Variants in UBR1 observed in about 807,000 individuals in gnomAD.
UBR1 encodes the protein ubiquitin protein ligase E3 component n-recognin 1, also known as E3 ubiquitin-protein ligase UBR1.
In UBR1, 102 loss-of-function variants were observed where a neutral mutation model predicts 242.1. The observed-to-expected ratio is 0.42, with a 90% CI of 0.36 to 0.50. The LOEUF (loss-of-function observed/expected upper bound fraction) is 0.50. Ranked by LOEUF, UBR1 falls within the 20% of genes least tolerant of loss-of-function variation. The pLI is 0.01. For synonymous variants in UBR1, 675 were observed against 684.8 expected (o/e 0.99, Z 0.22); for missense variants, 1,772 against 2,101.8 (o/e 0.84, Z 3.07).
chr15:43,099,299 T>C (rs1321680104), intron 1 of UBR1, among the ~76,000 whole-genome samples: 1 of 150,208 alleles, frequency 6.7e-6, no homozygotes, highest in East Asian at 2.0e-4. Context: ...ATTGCACCAC[T>C]GCACTCCAGC....
chr15:42,969,367 G>A (rs2032165043), intron 40 of UBR1, among the ~76,000 whole-genome samples: 1 of 151,950 alleles, frequency 6.6e-6, no homozygotes, highest in African/African-American at 2.4e-5. Flanking sequence ...AGAGTTGTTT[G>A]CTTTTTTCTT....
At chr15:43,022,056 T>C (rs759928287) in intron 26 of UBR1, among the ~76,000 whole-genome samples, 10 of 152,080 alleles carry the variant, frequency 6.6e-5, no homozygotes, top group Non-Finnish European at 1.5e-4. Context: ...GAAACAAAAT[T>C]GCCAAAAATA....
intron 40 of UBR1, among the ~76,000 whole-genome samples, chr15:42,969,972 T>C (rs1202029954): frequency 1.3e-5 from 2 of 152,162 alleles, no homozygotes; most frequent in Non-Finnish European, 2.9e-5. Context: ...CTGACTTTCT[T>C]CACAGAATTA....
chr15:42,969,505 A>G (rs930917992), intron 40 of UBR1, among the ~76,000 whole-genome samples: 2 of 152,106 alleles, frequency 1.3e-5, no homozygotes, highest in Non-Finnish European at 2.9e-5. Context: ...TGCTGTGCAG[A>G]GGCTCTTTTG....
At chr15:43,052,771 TAAAG>T (rs2033572238) in intron 12 of UBR1, among the ~76,000 whole-genome samples, 3 of 152,230 alleles carry the variant, frequency 2.0e-5, no homozygotes, top group Admixed American at 2.0e-4. Flanking sequence ...ATTTGCTAAA[TAAAG>T]AGTTTTTGTG....
rs148279938 is a variant in UBR1 at position 43,070,566 on chromosome 15, G to A, written c.659+229C>T. 9.3e-3 allele frequency among the ~76,000 whole-genome samples: 1,417 copies of A among 152,004 alleles called. 18 individuals carry two copies. Among genetic ancestry groups the A allele is most frequent in the African/African-American group, 0.032 (1,344 of 41,442 alleles). On this transcript the variant is annotated intron_variant, in intron 5 of 46. Coordinates refer to ENST00000290650, the MANE Select transcript of UBR1 (RefSeq NM_174916.3). ...CCCCAAAAATGTTGATTTTTTTTCC[G>A]TAAAAATTCAAAGCTCCTGATACAC... is the stretch of plus-strand genomic sequence containing the variant.
intron 1 of UBR1, among the ~76,000 whole-genome samples, chr15:43,096,849 T>G (rs1196766534): frequency 6.6e-6 from 1 of 152,144 alleles, no homozygotes; most frequent in Non-Finnish European, 1.5e-5. Flanking sequence ...CTTCCTCTAC[T>G]AAAGTCTTGA....
At chr15:43,003,951 G>C in intron 30 of UBR1, 21 bp from the exon 31 acceptor site, 1 of 1,606,254 alleles carries the variant, frequency 6.2e-7, no homozygotes, top group Non-Finnish European at 8.5e-7. Flanking sequence ...GTATAAAAAG[G>C]AGGGAAAAAG....
At chr15:43,023,275 AATG>A (rs2033134042) in intron 25 of UBR1, among the ~76,000 whole-genome samples, 1 of 152,152 alleles carries the variant, frequency 6.6e-6, no homozygotes, top group South Asian at 2.1e-4. Flanking sequence ...CAGAAAGAGA[AATG>A]ATGAATACAC....
intron 6 of UBR1, among the ~76,000 whole-genome samples, chr15:43,064,866 G>A (rs1010369121): frequency 6.6e-6 from 1 of 151,938 alleles, no homozygotes; most frequent in Non-Finnish European, 1.5e-5. Context: ...CACCACACCC[G>A]GCCCTATCTT....
intron 29 of UBR1, among the ~76,000 whole-genome samples, chr15:43,015,103 G>C (rs1483223886): frequency 2.0e-5 from 3 of 152,048 alleles, no homozygotes; most frequent in African/African-American, 7.2e-5. Flanking sequence ...TGGGAAGTGA[G>C]GAGCCCCTCT....
At chr15:42,990,619 A>T (rs2032540863) in intron 33 of UBR1, among the ~76,000 whole-genome samples, 1 of 152,238 alleles carries the variant, frequency 6.6e-6, no homozygotes, top group African/African-American at 2.4e-5. Flanking sequence ...TAAATATTAC[A>T]TATATAGAAT....
chr15:43,022,682 A>T lies in UBR1; in HGVS notation c.2839+20T>A. 6.6e-7 allele frequency: 1 copy of T among 1,524,726 alleles called. No homozygotes were observed. Among genetic ancestry groups the T allele is most frequent in the Non-Finnish European group, 9.1e-7 (1 of 1,100,808 alleles). The allele number at this position is 1,524,726 out of a possible 1,614,324, so 94.4% of individuals were successfully genotyped here. A position where few individuals can be genotyped will look rare whatever the true frequency, so the allele number is the denominator to read the frequency against. ...AGACTTTCAATGACAAATGTGTTGA[A>T]GAGTGATACTCAAACATACTTGAAG... On this transcript the variant is annotated intron_variant, in intron 26 of 46. Coordinates refer to ENST00000290650, the MANE Select transcript of UBR1 (RefSeq NM_174916.3).
rs975253151 is a variant in UBR1 at position 42,944,107 on chromosome 15, A to G, written c.*1222T>C. The G allele has an allele frequency of 1.3e-5, 2 of 152,290 alleles. No individual in the cohort carries two copies. The highest frequency in any genetic ancestry group is 4.8e-5 in the African/African-American group (2 of 41,474). 9.4% of individuals were successfully genotyped at this position (152,290 alleles called of 1,614,324 possible). A position where few individuals can be genotyped will look rare whatever the true frequency, so the allele number is the denominator to read the frequency against. ...GATACAGTCTTTGAATGCATCTTTC[A>G]AGGTTCTAACATTACCCCAGAAACA... On this transcript the variant is annotated 3_prime_UTR_variant, in exon 47 of 47. Coordinates refer to ENST00000290650, the MANE Select transcript of UBR1 (RefSeq NM_174916.3).
Position 43,029,125 on chromosome 15 carries a change from G to GCACACACACACACACACACACACACA in UBR1, c.2379+818_2379+819insTGTGTGTGTGTGTGTGTGTGTGTGTG, listed in dbSNP as rs144923922. ...TAAATAAAAACAAATACACACACAC[G>GCACACACACACACACACACACACACA]CACACACACACACATCTCTATTCTA... On this transcript the variant is annotated intron_variant, in intron 21 of 46. Transcript: ENST00000290650. Among the ~76,000 whole-genome samples the GCACACACACACACACACACACACACA allele has an allele frequency of 2.2e-3, 329 of 151,052 alleles. 1 individual carries two copies. Among genetic ancestry groups the GCACACACACACACACACACACACACA allele is most frequent in the African/African-American group, 7.6e-3 (314 of 41,096 alleles).
chr15:43,102,800 T>A (rs888147414), intron 1 of UBR1, among the ~76,000 whole-genome samples: 25 of 152,308 alleles, frequency 1.6e-4, no homozygotes, highest in Admixed American at 3.9e-4. Context: ...TCCTGTTCTC[T>A]CTTTCTCATC....
In UBR1 at chr15:43,088,956, G is replaced by A. The variant is rs764318562; in HGVS notation, c.82-2716C>T. On this transcript the variant is annotated intron_variant, in intron 1 of 46. Transcript: ENST00000290650. ...GCGGGCGGATCACTTGAGGTTAGGA[G>A]TTCGAGACCAGCCTGCCTAACATGC... Among the ~76,000 whole-genome samples the A allele has an allele frequency of 3.4e-5, 5 of 148,094 alleles. No individual in the cohort carries two copies. The Admixed American group carries it at 3.4e-4, about 10-fold the overall frequency.
chr15:43,024,964 A>AGGT lies in UBR1; in HGVS notation c.2601_2603dup (p.Pro869dup). 6.2e-7 allele frequency: 1 copy of AGGT among 1,614,166 alleles called. No homozygotes were observed. Among genetic ancestry groups the AGGT allele is most frequent in the Non-Finnish European group, 8.5e-7 (1 of 1,180,020 alleles). ...TGCTGAAAGCAGGGCAGAATTCAGG[A>AGGT]GGTGGTGGTGGCGGCAATGCTATAG... is the stretch of plus-strand genomic sequence containing the variant. On this transcript the variant is annotated inframe_insertion, in exon 25 of 47. Transcript: ENST00000290650.
intron 35 of UBR1, among the ~76,000 whole-genome samples, chr15:42,986,991 C>T (rs1567116449): frequency 1.3e-5 from 2 of 152,228 alleles, no homozygotes. Flanking sequence ...CACTGACCCC[C>T]TGGGTATCCT....
Sources: gnomAD v4.1 joint callset for allele counts (sites outside exome capture counted in the v4.1 genomes callset) on GRCh38, gnomAD v4.1.1 for gene constraint, MANE v1.5 for transcripts, NCBI Gene and HGNC (gene_info 2026-07-23, HGNC 2026-07-21) for gene names.